Variants in IQCH observed in about 807,000 individuals in gnomAD.
IQCH encodes IQ domain-containing protein H.
A neutral mutation model predicts 117.0 loss-of-function variants in IQCH; 98 were observed. That is an observed-to-expected ratio of 0.84 (90% CI 0.71 to 0.99). The LOEUF is 0.99. Ranked by LOEUF, IQCH falls within the 50% of genes least tolerant of loss-of-function variation. The pLI, the probability that IQCH is intolerant of heterozygous loss-of-function variation, is 0.00. For synonymous variants in IQCH, 412 were observed against 448.2 expected (o/e 0.92, Z 1.02); for missense variants, 1,102 against 1,243.8 (o/e 0.89, Z 1.72).
rs3985641 is a variant in IQCH, at chr15:67,475,813, G to T, written c.2794G>T (p.Val932Phe). 2 of 1,613,932 alleles carry T rather than the reference G, an allele frequency of 1.2e-6. No homozygotes were observed. The highest frequency in any genetic ancestry group is 2.7e-5 in the African/African-American group (2 of 74,930). ...TAGGGCCCATGGCATTGGCTATGAT[G>T]TTGAGGTATGAAGGGTTACAGTTGG... ...ICRAHGIGYD[V>F]EERQGTVFIL... Residue 932 changes from valine (V) to phenylalanine (F), a missense_variant, in exon 18 of 21, where the codon GTT becomes TTT. Physicochemically the swap from Val to Phe is conservative, Grantham distance 50 (BLOSUM62 -1). Transcript: ENST00000335894. The surrounding 1 kb of genome is among the most constrained non-coding windows in gnomAD (Gnocchi z 5.7).
rs1282525140 is a variant in IQCH at position 67,364,079 on chromosome 15, G to A, written c.753+4194G>A. Among the ~76,000 whole-genome samples, 1 of 152,142 alleles carries A rather than the reference G, an allele frequency of 6.6e-6. No homozygotes were observed. The highest frequency in any genetic ancestry group is 1.5e-5 in the Non-Finnish European group (1 of 68,024). On this transcript the variant is annotated intron_variant, in intron 8 of 20. Transcript: ENST00000335894. The surrounding 1 kb of genome is among the most constrained non-coding windows in gnomAD (Gnocchi z 4.1). ...GTCCTTTGGGTATATACCCAATAAGGGGATTGCTGGGTCGAGTGGTAATTC... is the reference window on the plus strand; with the variant it reads ...GTCCTTTGGGTATATACCCAATAAGAGGATTGCTGGGTCGAGTGGTAATTC...
At chr15:67,347,968 G>A (rs1969482524) in intron 6 of IQCH, among the ~76,000 whole-genome samples, 1 of 149,962 alleles carries the variant, frequency 6.7e-6, no homozygotes, top group Non-Finnish European at 1.5e-5. Flanking sequence ...GGAATGCAAG[G>A]CTGTTTCAAC....
In IQCH at chr15:67,344,151, T is replaced by C. The variant is rs751663248; in HGVS notation, c.597T>C (p.Pro199=). The change falls in exon 6 of 21, where the codon CCT becomes CCC. Residue 199 remains proline (P), a synonymous_variant. Coordinates refer to ENST00000335894, the MANE Select transcript of IQCH (RefSeq NM_001031715.3). ...CACCCATTACACCCAGAGCAGCTCC[T>C]CTGCATAGTTTTGATGAAGCACGTA... The part of the protein sequence containing the change: ...QNPPITPRAA[P]LHSFDEARKI... 1 of 1,613,674 alleles carries C rather than the reference T, an allele frequency of 6.2e-7. No homozygotes were observed. The highest frequency in any genetic ancestry group is 1.7e-5 in the Admixed American group (1 of 59,976).
In IQCH at chr15:67,384,899, G is replaced by A; in HGVS notation, c.1373-37G>A. ...TTGTGCCATTTTGCTATATCGACTT[G>A]CTCTTTCTGTGTTTTGACACCTTGT... On this transcript the variant is annotated intron_variant, in intron 10 of 20. Coordinates refer to ENST00000335894, the MANE Select transcript of IQCH (RefSeq NM_001031715.3). This position sits in a 1 kb window ranked among gnomAD's most constrained non-coding sequence, Gnocchi z 4.3. 1.5e-6 allele frequency: 2 copies of A among 1,292,914 alleles called. No individual in the cohort carries two copies. The highest frequency in any genetic ancestry group is 1.5e-5 in the African/African-American group (1 of 68,504). The allele number at this position is 1,292,914 out of a possible 1,614,324, so 80.1% of individuals were successfully genotyped here. A position where few individuals can be genotyped will look rare whatever the true frequency, so the allele number is the denominator to read the frequency against.
chr15:67,379,171 T>A (rs898338536), intron 10 of IQCH, among the ~76,000 whole-genome samples: 1 of 152,210 alleles, frequency 6.6e-6, no homozygotes, highest in Non-Finnish European at 1.5e-5. Flanking sequence ...CTGTATTCAA[T>A]CTGTTGCAAT....
Position 67,381,380 on chromosome 15 carries a change from A to C in IQCH, c.1373-3556A>C, listed in dbSNP as rs938364218. On this transcript the variant is annotated intron_variant, in intron 10 of 20. Transcript: ENST00000335894. This position sits in a 1 kb window ranked among gnomAD's most constrained non-coding sequence, Gnocchi z 5.1. ...TCTCAGGTAAGCTTCTTTGATGTAG[A>C]GACAATAATATTTCACAACTGCTTA... 1.2e-4 allele frequency among the ~76,000 whole-genome samples: 19 copies of C among 152,338 alleles called. No individual in the cohort carries two copies. Among genetic ancestry groups the C allele is most frequent in the Admixed American group, 7.2e-4 (11 of 15,292 alleles).
Position 67,447,721 on chromosome 15 carries a change from G to A in IQCH, c.2506-17406G>A, listed in dbSNP as rs929183284. On this transcript the variant is annotated intron_variant, in intron 16 of 20. Coordinates refer to ENST00000335894, the MANE Select transcript of IQCH (RefSeq NM_001031715.3). This position sits in a 1 kb window ranked among gnomAD's most constrained non-coding sequence, Gnocchi z 5.3. ...TCTGAGCCACCGGCCCACTACCTGA[G>A]CAGCCCCTTCTCTTCTGGGTTTGAC... 6.6e-6 allele frequency among the ~76,000 whole-genome samples: 1 copy of A among 152,132 alleles called. No individual in the cohort carries two copies. Among genetic ancestry groups the A allele is most frequent in the African/African-American group, 2.4e-5 (1 of 41,424 alleles).
chr15:67,488,495 A>G (rs1301490931), intron 18 of IQCH, among the ~76,000 whole-genome samples: 1 of 152,240 alleles, frequency 6.6e-6, no homozygotes, highest in East Asian at 1.9e-4. Context: ...TTATCAGACT[A>G]GACAGAATTT....
intron 4 of IQCH, among the ~76,000 whole-genome samples, chr15:67,324,305 A>G (rs900343046): frequency 6.9e-5 from 10 of 145,880 alleles, no homozygotes; most frequent in African/African-American, 2.3e-4. Flanking sequence ...CTTTTGTCCA[A>G]AAAAAAAAAA....
intron 4 of IQCH, among the ~76,000 whole-genome samples, chr15:67,331,214 TA>T (rs1968652053): frequency 1.3e-5 from 2 of 152,150 alleles, no homozygotes; most frequent in African/African-American, 4.8e-5. Flanking sequence ...AAGGGAGAAT[TA>T]GGGGCTGCAA....
chr15:67,293,165 G>T (rs1389786005), intron 4 of IQCH, among the ~76,000 whole-genome samples: 10 of 152,122 alleles, frequency 6.6e-5, no homozygotes. Context: ...AAGTATTATT[G>T]TTCTTATTTG....
rs1555509968 is a variant in IQCH at position 67,474,067 on chromosome 15, A to AGAGT, written c.2677-1628_2677-1627insAGTG. ...GTCACCAAAAGTGCCACGAAATCTG[A>AGAGT]GTGTGTGTGTGTGTGTGTGTGTGTG... is the stretch of plus-strand genomic sequence containing the variant. On this transcript the variant is annotated intron_variant, in intron 17 of 20. Transcript: ENST00000335894. This position sits in a 1 kb window ranked among gnomAD's most constrained non-coding sequence, Gnocchi z 4.1. 7.2e-6 allele frequency among the ~76,000 whole-genome samples: 1 copy of AGAGT among 138,218 alleles called. No homozygotes were observed. 90.7% of individuals were successfully genotyped at this position (138,218 alleles called of 152,430 possible).
chr15:67,347,523 C>G (rs990782855), intron 6 of IQCH, among the ~76,000 whole-genome samples: 1 of 151,818 alleles, frequency 6.6e-6, no homozygotes, highest in Non-Finnish European at 1.5e-5. Context: ...AAGAAATTGA[C>G]TTAGTACTTA....
intron 4 of IQCH, among the ~76,000 whole-genome samples, chr15:67,314,346 C>G (rs772747080): frequency 1.3e-5 from 2 of 152,070 alleles, no homozygotes; most frequent in Non-Finnish European, 2.9e-5. Context: ...TGAGCCTCCT[C>G]TCCCACTCTC....
At chr15:67,451,066 G>GATATC (rs2140989837) in intron 16 of IQCH, among the ~76,000 whole-genome samples, 1 of 152,262 alleles carries the variant, frequency 6.6e-6, no homozygotes, top group African/African-American at 2.4e-5. Flanking sequence ...GATCGGTGGT[G>GATATC]ATATCCCCTT....
At chr15:67,275,390 A>T (rs1236111754) in intron 3 of IQCH, among the ~76,000 whole-genome samples, 1 of 151,944 alleles carries the variant, frequency 6.6e-6, no homozygotes, top group African/African-American at 2.4e-5. Context: ...TCCCTTCTCC[A>T]TGACCTGGGA....
intron 16 of IQCH, among the ~76,000 whole-genome samples, chr15:67,435,440 C>T (rs780582591): frequency 3.3e-5 from 5 of 151,788 alleles, no homozygotes; most frequent in African/African-American, 9.7e-5. Context: ...GAAAAATTGT[C>T]GGGTGTGGTG....
At chr15:67,265,920 C>A (rs764333602) in intron 3 of IQCH, among the ~76,000 whole-genome samples, 9 of 152,092 alleles carry the variant, frequency 5.9e-5, no homozygotes, top group Non-Finnish European at 1.2e-4. Context: ...TTAACAAAGT[C>A]CTTAGAATAT....
Position 67,433,309 on chromosome 15 carries a change from A to T in IQCH, c.2505+11732A>T, listed in dbSNP as rs1309672339. On this transcript the variant is annotated intron_variant, in intron 16 of 20. Coordinates refer to ENST00000335894, the MANE Select transcript of IQCH (RefSeq NM_001031715.3). This position sits in a 1 kb window ranked among gnomAD's most constrained non-coding sequence, Gnocchi z 5.4. ...ATGGGCAATGATGACAAATTTTTCCAGTGAAAATTACAATTCTGTTTCTTA... is the reference window on the plus strand; with the variant it reads ...ATGGGCAATGATGACAAATTTTTCCTGTGAAAATTACAATTCTGTTTCTTA... Among the ~76,000 whole-genome samples the T allele has an allele frequency of 1.3e-5, 2 of 152,236 alleles. No homozygotes were observed. The highest frequency in any genetic ancestry group is 2.1e-4 in the South Asian group (1 of 4,826).
Sources: gnomAD v4.1 joint callset for allele counts (sites outside exome capture counted in the v4.1 genomes callset) on GRCh38, gnomAD v4.1.1 for gene constraint, Gnocchi (gnomAD v3.1) non-coding constraint, MANE v1.5 for transcripts, NCBI Gene and HGNC (gene_info 2026-07-23, HGNC 2026-07-21) for gene names.